ASB14: variants seen among roughly 807,000 people sequenced by gnomAD.
ASB14 encodes the protein ankyrin repeat and SOCS box containing 14.
Under a neutral mutation model 55.6 loss-of-function variants are expected in ASB14, and 63 were observed. The observed-to-expected ratio is 1.13, with a 90% CI of 0.92 to 1.40. The LOEUF (loss-of-function observed/expected upper bound fraction) is 1.40, where lower values mean the gene tolerates loss of function less well. Ranked by LOEUF, ASB14 falls within the 40% of genes most tolerant of loss-of-function variation. ASB14 has a pLI of 0.00. For missense variants in ASB14, 724 were observed against 710.4 expected (o/e 1.02, Z -0.22); for synonymous variants, 256 against 259.9 (o/e 0.98, Z 0.15).
intron 6 of ASB14, among the ~76,000 whole-genome samples, chr3:57,282,684 G>A (rs2061049153): frequency 1.3e-5 from 2 of 152,144 alleles, no homozygotes; most frequent in South Asian, 2.1e-4. Flanking sequence ...TAATGCTTTT[G>A]CTTAGATAGT....
At chr3:57,288,570 C>T (rs1392813338) in intron 3 of ASB14, among the ~76,000 whole-genome samples, 6 of 152,048 alleles carry the variant, frequency 3.9e-5, no homozygotes, top group African/African-American at 1.4e-4. Context: ...TATTTTCTCC[C>T]AGAAAAGCCT....
At chr3:57,269,730 T>G in intron 10 of ASB14, 112 bp from the exon 11 acceptor site, 1 of 1,598,938 alleles carries the variant, frequency 6.3e-7, no homozygotes, top group South Asian at 1.1e-5. Flanking sequence ...ATTTGACAGT[T>G]TCTATGGTGA....
Position 57,277,761 on chromosome 3 carries a change from A to G in ASB14, c.1585+6T>C. 1.3e-6 allele frequency: 2 copies of G among 1,600,006 alleles called. No individual in the cohort carries two copies. The highest frequency in any genetic ancestry group is 1.7e-6 in the Non-Finnish European group (2 of 1,174,926). On this transcript the variant is annotated splice_donor_region_variant and intron_variant, in intron 9 of 10. Transcript: ENST00000487349. ...TAAAAAGTCATTCTATGAGAAGGAT[A>G]CTTACTTAAGATAAAATGTATTTCT... is the stretch of plus-strand genomic sequence containing the variant.
At position 57,292,049 on chromosome 3, in the gene ASB14, GTTTAC is replaced by G. The variant is rs1362488398; in HGVS notation, c.-21_-17del. 1.2e-5 allele frequency: 19 copies of G among 1,532,346 alleles called. No homozygotes were observed. Among genetic ancestry groups the G allele is most frequent in the Non-Finnish European group, 1.6e-5 (18 of 1,143,796 alleles). 94.9% of individuals were successfully genotyped at this position (1,532,346 alleles called of 1,614,324 possible). A position where few individuals can be genotyped will look rare whatever the true frequency, so the allele number is the denominator to read the frequency against. On this transcript the variant is annotated 5_prime_UTR_variant, in exon 2 of 11. Coordinates refer to ENST00000487349, the MANE Select transcript of ASB14 (RefSeq NM_001142733.3). ...AATTATCCATGTGAAACGTGGACAG[GTTTAC>G]TTTAAAGTCAGAGTGAATTAAAAGT... is the stretch of plus-strand genomic sequence containing the variant.
At chr3:57,277,681 G>A in intron 9 of ASB14, 86 bp downstream of exon 9, 1 of 1,226,416 alleles carries the variant, frequency 8.2e-7, no homozygotes, top group South Asian at 1.5e-5. Context: ...TTAACCAGAA[G>A]AGAAGGGTGT....
intron 7 of ASB14, 75 bp downstream of exon 7, chr3:57,280,227 G>T (rs1018856605): frequency 3.1e-4 from 183 of 584,566 alleles, no homozygotes; most frequent in Non-Finnish European, 4.1e-4. Flanking sequence ...AGATTATAAA[G>T]TTCCTAGAAG....
At chr3:57,278,233 T>A (rs761649983) in intron 8 of ASB14, 144 bp downstream of exon 8, 34 of 650,980 alleles carry the variant, frequency 5.2e-5, no homozygotes, top group Non-Finnish European at 8.3e-5. Context: ...GTTTATTTTA[T>A]CATAATTATT....
intron 10 of ASB14, 94 bp from the exon 11 acceptor site, chr3:57,269,712 C>A (rs748372796): frequency 2.7e-5 from 43 of 1,610,094 alleles, no homozygotes; most frequent in Non-Finnish European, 3.7e-5. Flanking sequence ...TAGATATTCC[C>A]CCTTGGAATT....
intron 8 of ASB14, 79 bp from the exon 9 acceptor site, chr3:57,277,999 G>A: frequency 7.8e-7 from 1 of 1,281,604 alleles, no homozygotes; most frequent in Non-Finnish European, 1.1e-6. Context: ...AGTCAAAGGA[G>A]ATGTGGTGTG....
At chr3:57,290,720 C>T (rs1407364862) in intron 2 of ASB14, among the ~76,000 whole-genome samples, 1 of 152,216 alleles carries the variant, frequency 6.6e-6, no homozygotes, top group South Asian at 2.1e-4. Context: ...TTTCAATACT[C>T]TCCTTAGCCC....
intron 10 of ASB14, among the ~76,000 whole-genome samples, chr3:57,275,818 G>A (rs984088220): frequency 6.6e-6 from 1 of 152,162 alleles, no homozygotes; most frequent in African/African-American, 2.4e-5. Flanking sequence ...GCATGTTACT[G>A]TACTGAATAG....
Position 57,275,226 on chromosome 3 carries a change from G to A in ASB14, c.*22+1302C>T, listed in dbSNP as rs547190052. 1.9e-4 allele frequency among the ~76,000 whole-genome samples: 29 copies of A among 152,202 alleles called. No individual in the cohort carries two copies. In the South Asian group the frequency reaches 3.9e-3, roughly 21 times the overall value. On this transcript the variant is annotated intron_variant, in intron 10 of 10. Transcript: ENST00000487349. ...AGCATTTTGGGAGGCCAAGGCGGGC[G>A]GATCACCTGAGGGTCAGGAGTTCAA...
At chr3:57,277,259 T>C (rs1270907841) in intron 9 of ASB14, among the ~76,000 whole-genome samples, 1 of 125,466 alleles carries the variant, frequency 8.0e-6, no homozygotes, top group Non-Finnish European at 1.6e-5. Context: ...ACAGACTCTG[T>C]CTCAAAAAAA....
Position 57,269,450 on chromosome 3 carries a change from A to C in ASB14, c.*191T>G, listed in dbSNP as rs1559516551. ...AGTATGCATACATATTTATGACAGAAGAAGTGGCTCTCAAGAATGTATCTT... is the reference window on the plus strand; with the variant it reads ...AGTATGCATACATATTTATGACAGACGAAGTGGCTCTCAAGAATGTATCTT... On this transcript the variant is annotated 3_prime_UTR_variant, in exon 11 of 11. Coordinates refer to ENST00000487349, the MANE Select transcript of ASB14 (RefSeq NM_001142733.3). 1 of 1,344,548 alleles carries C rather than the reference A, an allele frequency of 7.4e-7. No homozygotes were observed. Among genetic ancestry groups the C allele is most frequent in the East Asian group, 2.3e-5 (1 of 42,894 alleles). The allele number at this position is 1,344,548 out of a possible 1,614,324, so 83.3% of individuals were successfully genotyped here.
chr3:57,280,248 T>C, intron 7 of ASB14, 54 bp downstream of exon 7: 2 of 1,133,950 alleles, frequency 1.8e-6, no homozygotes, highest in Non-Finnish European at 2.4e-6. Flanking sequence ...CAGCACAAAA[T>C]AAAAGGTAGC....
Position 57,289,079 on chromosome 3 carries a change from G to C in ASB14, c.167C>G (p.Thr56Arg). 6.5e-7 allele frequency: 1 copy of C among 1,526,738 alleles called. No individual in the cohort carries two copies. Among genetic ancestry groups the C allele is most frequent in the Admixed American group, 2.0e-5 (1 of 50,922 alleles). The allele number at this position is 1,526,738 out of a possible 1,614,324, so 94.6% of individuals were successfully genotyped here. Residue 56 changes from threonine to arginine, a missense_variant, in exon 3 of 11, where the codon ACA becomes AGA. Thr to Arg is a moderately conservative substitution (Grantham distance 71). Transcript: ENST00000487349. The part of the protein sequence containing the change: ...LSADYKKIVE[T>R]IEKGKEDALS... ...ATAGGAGTACTTAACTTTCTCTATT[G>C]TTTCAACTATCTTCTTATAGTCAGC...
At position 57,283,205 on chromosome 3, in the gene ASB14, A is replaced by C; in HGVS notation, c.704T>G (p.Leu235Ter). ...ACAGAAGATCTTGCCTTTCCGCAGT[A>C]ACATTTCCATGATTTCAGTGTGTCC... is the stretch of plus-strand genomic sequence containing the variant. ...QSGHTEIMEM[L>*]LRKGANAHGQ... is the part of the protein sequence containing the mutation. The change falls in exon 6 of 11, where the codon TTA (leucine) becomes TGA (stop). Residue 235 changes from leucine (L) to a stop codon, truncating the protein, a stop_gained. Coordinates refer to ENST00000487349, the MANE Select transcript of ASB14 (RefSeq NM_001142733.3). LOFTEE classifies it high-confidence loss of function. The C allele has an allele frequency of 6.4e-7, 1 of 1,552,236 alleles. No homozygotes were observed. Among genetic ancestry groups the C allele is most frequent in the Non-Finnish European group, 8.7e-7 (1 of 1,147,034 alleles).
chr3:57,288,336 GA>G, intron 3 of ASB14, 50 bp from the exon 4 acceptor site: 1 of 1,522,904 alleles, frequency 6.6e-7, no homozygotes, highest in African/African-American at 1.4e-5. Flanking sequence ...CACTTACAAG[GA>G]AGCCCATATT....
At position 57,278,652 on chromosome 3, in the gene ASB14, G is replaced by A; in HGVS notation, c.1156C>T (p.Pro386Ser). The change falls in exon 8 of 11, where the codon CCG (proline) becomes TCG (serine). Residue 386 changes from proline to serine, a missense_variant. Pro to Ser is a moderately conservative substitution (Grantham distance 74). Transcript: ENST00000487349. ...LSAGALPNQD[P>S]VNCLQIALRM... is the part of the protein sequence containing the mutation. Reference sequence around the variant, plus strand: ...AGGGCTATCTGGAGGCAGTTAACCGGGTCTTGATTAGGCAGAGCTCCAGCA... The same window carrying A: ...AGGGCTATCTGGAGGCAGTTAACCGAGTCTTGATTAGGCAGAGCTCCAGCA... 1 of 1,614,172 alleles carries A rather than the reference G, an allele frequency of 6.2e-7. No homozygotes were observed. Among genetic ancestry groups the A allele is most frequent in the South Asian group, 1.1e-5 (1 of 91,076 alleles).
Sources: gnomAD v4.1 joint callset for allele counts (sites outside exome capture counted in the v4.1 genomes callset) on GRCh38, gnomAD v4.1.1 for gene constraint, MANE v1.5 for transcripts, NCBI Gene and HGNC (gene_info 2026-07-23, HGNC 2026-07-21) for gene names.